The following TRMT11 variants were observed in gnomAD, a reference collection of about 807,000 sequenced individuals.
TRMT11 encodes the protein tRNA (guanine(10)-N(2))-methyltransferase TRMT11.
TRMT11 carries 53 observed loss-of-function variants against 62.8 expected under a neutral mutation model. That is an observed-to-expected ratio of 0.84 (90% CI 0.68 to 1.06). The LOEUF is 1.06. Ranked by LOEUF, TRMT11 falls within the 50% of genes least tolerant of loss-of-function variation. TRMT11 has a pLI of 0.00. For synonymous variants in TRMT11, 188 were observed against 190.3 expected (o/e 0.99, Z 0.10); for missense variants, 556 against 553.4 (o/e 1.00, Z -0.05).
At chr6:126,174,735 C>T (rs1446499766), upstream of TRMT11, among the ~76,000 whole-genome samples, 1 of 152,192 alleles carries the variant, frequency 6.6e-6, no homozygotes, top group African/African-American at 2.4e-5. Context: ...TACATCCCCA[C>T]CCTGAATGTC....
At position 126,146,929 on chromosome 6, in the gene TRMT11, C is replaced by G. The variant is rs1449351801; in HGVS notation, c.*1824-27896C>G. Among the ~76,000 whole-genome samples, 2 of 39,870 alleles carry G rather than the reference C, an allele frequency of 5.0e-5. 1 individual carries two copies. Among genetic ancestry groups the G allele is most frequent in the African/African-American group, 2.4e-4 (2 of 8,344 alleles). 26.2% of individuals were successfully genotyped at this position (39,870 alleles called of 152,430 possible). On this transcript the variant is annotated intron_variant and NMD_transcript_variant, in intron 21 of 22. Coordinates refer to the TRMT11 transcript ENST00000648977. Reference sequence around the variant, plus strand: ...GATTATTAGACATAATGTCAAGATGCTCATATTCTGCTTAGGGGTTAAAAT... The same window carrying G: ...GATTATTAGACATAATGTCAAGATGGTCATATTCTGCTTAGGGGTTAAAAT...
intron 12 of TRMT11, among the ~76,000 whole-genome samples, chr6:126,023,909 G>A (rs1227401849): frequency 6.6e-6 from 1 of 152,128 alleles, no homozygotes; most frequent in Non-Finnish European, 1.5e-5. Context: ...TACGAATACA[G>A]TTGTAATTTC....
At chr6:126,174,169 G>T (rs1051494109), upstream of TRMT11, among the ~76,000 whole-genome samples, 6 of 152,108 alleles carry the variant, frequency 3.9e-5, no homozygotes, top group Non-Finnish European at 8.8e-5. Context: ...GCTATCCTCA[G>T]GAATGGCATT....
chr6:126,052,443 T>G (rs967823693), intron 16 of TRMT11, among the ~76,000 whole-genome samples: 1 of 152,178 alleles, frequency 6.6e-6, no homozygotes, highest in Admixed American at 6.5e-5. Context: ...AACATAAAAA[T>G]TACAGAGTAG....
chr6:126,093,615 A>ATTTTTTTTTTTTTTT (rs1451363711), intron 17 of TRMT11, among the ~76,000 whole-genome samples: 1 of 89,132 alleles, frequency 1.1e-5, no homozygotes, highest in African/African-American at 8.2e-5. Context: ...ATATATATAT[A>ATTTTTTTTTTTTTTT]TATATATATA....
intron 9 of TRMT11, 28 bp from the exon 10 acceptor site, chr6:126,012,743 A>G (rs563653212): frequency 5.1e-6 from 8 of 1,584,094 alleles, no homozygotes; most frequent in Admixed American, 3.5e-5. Flanking sequence ...ACTTTTGACT[A>G]TCTGTGTTAC....
chr6:126,243,616 G>T, the TRMT11 span, among the ~76,000 whole-genome samples: 2 of 152,176 alleles, frequency 1.3e-5, no homozygotes, highest in Non-Finnish European at 2.9e-5. Context: ...AAAAAAAGAT[G>T]AATTCATGTC....
chr6:126,244,167 T>A, the TRMT11 span, among the ~76,000 whole-genome samples: 2 of 151,800 alleles, frequency 1.3e-5, no homozygotes, highest in African/African-American at 4.8e-5. Context: ...TCATACTACT[T>A]CCTTCATTAA....
chr6:126,209,564 CA>C, the TRMT11 span, among the ~76,000 whole-genome samples: 12,320 of 137,910 alleles, frequency 0.089, 1,635 homozygotes, highest in African/African-American at 0.29. Context: ...ACTAAAAATA[CA>C]AAAAAAAAAA....
Position 126,071,827 on chromosome 6 carries a change from A to G in TRMT11, c.*1437+18637A>G, listed in dbSNP as rs140862689. ...ATCTCCTCCATGTCATGGTATATCA[A>G]TGATACTCAAACTTTAACATGGATC... On this transcript the variant is annotated intron_variant and NMD_transcript_variant, in intron 17 of 22. Coordinates refer to the TRMT11 transcript ENST00000648977. 7.2e-3 allele frequency among the ~76,000 whole-genome samples: 1,094 copies of G among 152,240 alleles called. 14 individuals carry two copies. The highest frequency in any genetic ancestry group is 0.048 in the Middle Eastern group (14 of 294).
chr6:126,140,858 A>G (rs1367462460), intron 21 of TRMT11, among the ~76,000 whole-genome samples: 1 of 152,114 alleles, frequency 6.6e-6, no homozygotes, highest in East Asian at 1.9e-4. Flanking sequence ...AAAAAAATCA[A>G]GTGACAATGT....
At chr6:126,118,401 C>G (rs1043615053) in intron 21 of TRMT11, among the ~76,000 whole-genome samples, 5 of 152,052 alleles carry the variant, frequency 3.3e-5, no homozygotes, top group African/African-American at 1.2e-4. Flanking sequence ...AAAAAAATCC[C>G]CCTTCCCACA....
chr6:126,182,250 A>T (rs1778475225), intron 1 of TRMT11, among the ~76,000 whole-genome samples: 1 of 152,158 alleles, frequency 6.6e-6, no homozygotes, highest in Non-Finnish European at 1.5e-5. Context: ...GGGAAGGAAG[A>T]GGTGCTCTTT....
the TRMT11 span, among the ~76,000 whole-genome samples, chr6:126,266,085 A>C: frequency 1.8e-4 from 27 of 152,244 alleles, no homozygotes; most frequent in African/African-American, 6.3e-4. Flanking sequence ...AATGATTGTA[A>C]ATTATTCAGT....
At chr6:126,269,217 T>C in the TRMT11 span, among the ~76,000 whole-genome samples, 1 of 123,590 alleles carries the variant, frequency 8.1e-6, no homozygotes, top group Non-Finnish European at 1.6e-5. Flanking sequence ...TGAGCCGAGA[T>C]CCCGCCACTG....
At chr6:126,054,611 T>C (rs1776316183) in intron 17 of TRMT11, among the ~76,000 whole-genome samples, 1 of 152,206 alleles carries the variant, frequency 6.6e-6, no homozygotes, top group Non-Finnish European at 1.5e-5. Context: ...GGTTGCCAGC[T>C]CATGTTTGTC....
chr6:126,072,996 A>G (rs530830889), intron 17 of TRMT11, among the ~76,000 whole-genome samples: 13 of 152,284 alleles, frequency 8.5e-5, no homozygotes, highest in Middle Eastern at 3.4e-3. Context: ...TTGGAAAACA[A>G]ATATTTGTCT....
chr6:126,209,650 T>C, the TRMT11 span, among the ~76,000 whole-genome samples: 1 of 151,644 alleles, frequency 6.6e-6, no homozygotes, highest in Non-Finnish European at 1.5e-5. Context: ...GGCGTGAACT[T>C]GGGAGGCGGA....
chr6:126,157,183 C>T (rs931200326), intron 21 of TRMT11, among the ~76,000 whole-genome samples: 7 of 152,146 alleles, frequency 4.6e-5, no homozygotes, highest in African/African-American at 1.7e-4. Flanking sequence ...GGGCTGCCCA[C>T]CTCTGATACC....
Sources: allele counts gnomAD v4.1 joint callset (sites outside exome capture counted in the v4.1 genomes callset), GRCh38; gene constraint gnomAD v4.1.1; transcripts MANE v1.5; gene names NCBI Gene and HGNC (gene_info 2026-07-23, HGNC 2026-07-21).